FSIP2: variants seen among roughly 807,000 people sequenced by gnomAD.
FSIP2 encodes the protein fibrous sheath-interacting protein 2.
Under a neutral mutation model 510.5 loss-of-function variants are expected in FSIP2, and 367 were observed. The observed-to-expected ratio is 0.72, with a 90% CI of 0.66 to 0.78. FSIP2 has a LOEUF of 0.78. FSIP2 is among the 30% of genes least tolerant of loss of function. The pLI is 0.00. For synonymous variants in FSIP2, 2,601 were observed against 2,732.2 expected, an observed-to-expected ratio of 0.95 and a Z score of 1.50; for missense variants, 7,594 against 7,901.7, an observed-to-expected ratio of 0.96 and a Z score of 1.48.
At chr2:185,816,738 C>T (rs1693832569) in intron 19 of FSIP2, among the ~76,000 whole-genome samples, 1 of 151,600 alleles carries the variant, frequency 6.6e-6, no homozygotes, top group African/African-American at 2.4e-5. Flanking sequence ...TGCACCTAGT[C>T]CTAGCTACTC....
intron 5 of FSIP2, among the ~76,000 whole-genome samples, chr2:185,745,849 A>G (rs1692018997): frequency 1.3e-5 from 2 of 152,154 alleles, no homozygotes; most frequent in Non-Finnish European, 2.9e-5. Context: ...CAAACAATAT[A>G]TTCAAACAGT....
chr2:185,748,490 A>G (rs1281777641), intron 7 of FSIP2, among the ~76,000 whole-genome samples: 3 of 151,818 alleles, frequency 2.0e-5, no homozygotes, highest in African/African-American at 7.3e-5. Context: ...CTATTTTTCA[A>G]TAAGAAGTCT....
rs1194773244 is a variant in FSIP2, at chr2:185,802,575, T to TG, written c.13273dup (p.Asp4425GlyfsTer9). 3.9e-6 allele frequency: 6 copies of TG among 1,530,554 alleles called. 1 individual carries two copies. The South Asian group carries it at 7.2e-5, about 18-fold the overall frequency. The allele number at this position is 1,530,554 out of a possible 1,614,324, so 94.8% of individuals were successfully genotyped here. On this transcript the variant is annotated frameshift_variant, in exon 17 of 23. Transcript: ENST00000424728. LOFTEE classifies it high-confidence loss of function. ...ATTACCTTCTTCATCCACTGTTTTC[T>TG]GGGGATTTTTCAGCTTCTACCTATT...
chr2:185,800,763 G>C lies in FSIP2; in HGVS notation c.11457G>C (p.Met3819Ile). ...GTGAATGCCTTCAAGTAGATTACAT[G>C]TCAGACCTTTTGGAGAATGTGGCAG... The part of the protein sequence containing the change: ...MDCECLQVDY[M>I]SDLLENVAEI... Residue 3819 changes from methionine (M) to isoleucine (I), a missense_variant, in exon 17 of 23, where the codon ATG becomes ATC. Transcript: ENST00000424728. The C allele has an allele frequency of 6.5e-7, 1 of 1,534,042 alleles. No individual in the cohort carries two copies. Among genetic ancestry groups the C allele is most frequent in the Non-Finnish European group, 8.7e-7 (1 of 1,145,478 alleles).
At chr2:185,777,775 T>TATAA (rs1216179432) in intron 13 of FSIP2, among the ~76,000 whole-genome samples, 2 of 152,158 alleles carry the variant, frequency 1.3e-5, no homozygotes, top group African/African-American at 4.8e-5. Flanking sequence ...TTTAGGATTT[T>TATAA]AGCATCTAGG....
chr2:185,824,875 C>T (rs967808079), intron 20 of FSIP2, among the ~76,000 whole-genome samples: 19 of 151,722 alleles, frequency 1.3e-4, no homozygotes, highest in African/African-American at 2.9e-4. Flanking sequence ...ATATTAAAAT[C>T]GGCCTAGGAT....
At position 185,804,295 on chromosome 2, in the gene FSIP2, A is replaced by G; in HGVS notation, c.14989A>G (p.Thr4997Ala). The change falls in exon 17 of 23, where the codon ACC (threonine) becomes GCC (alanine). Residue 4997 changes from threonine (T) to alanine (A), a missense_variant. Coordinates refer to ENST00000424728, the MANE Select transcript of FSIP2 (RefSeq NM_173651.4). Reference sequence around the variant, plus strand: ...GGTAAATTCAATTGTTCTGGAGTTCACCACATCAGAGATTTTAGTTGCAGA... The same window carrying G: ...GGTAAATTCAATTGTTCTGGAGTTCGCCACATCAGAGATTTTAGTTGCAGA... ...TLVNSIVLEF[T>A]TSEILVADNF... 1 of 1,523,160 alleles carries G rather than the reference A, an allele frequency of 6.6e-7. No homozygotes were observed. Among genetic ancestry groups the G allele is most frequent in the South Asian group, 1.2e-5 (1 of 81,218 alleles). The allele number at this position is 1,523,160 out of a possible 1,614,324, so 94.4% of individuals were successfully genotyped here.
chr2:185,826,208 C>T (rs1396652335), intron 20 of FSIP2, among the ~76,000 whole-genome samples: 1 of 151,714 alleles, frequency 6.6e-6, no homozygotes, highest in Non-Finnish European at 1.5e-5. Context: ...CAGAATGTAA[C>T]CTTGTTAAGC....
In FSIP2 at chr2:185,808,605, A is replaced by G. The variant is rs1431617924; in HGVS notation, c.19299A>G (p.Ser6433=). The G allele has an allele frequency of 6.2e-7, 1 of 1,604,238 alleles. No homozygotes were observed. Among genetic ancestry groups the G allele is most frequent in the Non-Finnish European group, 8.5e-7 (1 of 1,175,834 alleles). The change falls in exon 17 of 23, where the codon TCA becomes TCG. Residue 6433 remains serine (S), a synonymous_variant. Coordinates refer to ENST00000424728, the MANE Select transcript of FSIP2 (RefSeq NM_173651.4). ...TTTATAGTAACATACTGCAACAATCAGGAACCAACAAAGAATTTTATTATG... is the reference window on the plus strand; with the variant it reads ...TTTATAGTAACATACTGCAACAATCGGGAACCAACAAAGAATTTTATTATG... ...DSVYSNILQQ[S]GTNKEFYYDI... is the part of the protein sequence containing the mutation.
intron 13 of FSIP2, chr2:185,765,465 G>A (rs552426674): frequency 9.2e-5 from 14 of 151,800 alleles, no homozygotes; most frequent in South Asian, 2.1e-4. Context: ...GATATGCGGC[G>A]TTATTTCTGA....
In FSIP2 at chr2:185,801,010, T is replaced by C; in HGVS notation, c.11704T>C (p.Leu3902=). The change falls in exon 17 of 23, where the codon TTA becomes CTA. Residue 3902 remains leucine, a synonymous_variant. Coordinates refer to ENST00000424728, the MANE Select transcript of FSIP2 (RefSeq NM_173651.4). ...LIELGQSKSS[L]ELRSYDSNSL... ...AGAATTAGGACAGAGTAAAAGTTCT[T>C]TAGAACTCAGGAGCTATGATAGTAA... 1 of 1,531,472 alleles carries C rather than the reference T, an allele frequency of 6.5e-7. No individual in the cohort carries two copies. The highest frequency in any genetic ancestry group is 2.5e-5 in the East Asian group (1 of 40,802). 94.9% of individuals were successfully genotyped at this position (1,531,472 alleles called of 1,614,324 possible).
intron 13 of FSIP2, among the ~76,000 whole-genome samples, chr2:185,778,023 T>C (rs1012115457): frequency 1.3e-5 from 2 of 152,094 alleles, no homozygotes; most frequent in Non-Finnish European, 2.9e-5. Flanking sequence ...TCAATGACTT[T>C]AGTGATTCAA....
In FSIP2 at chr2:185,805,104, GAC is replaced by G. The variant is rs764776486; in HGVS notation, c.15802_15803del (p.Gln5268AlafsTer15). On this transcript the variant is annotated frameshift_variant, in exon 17 of 23. Transcript: ENST00000424728. LOFTEE classifies it high-confidence loss of function. ...SELAKSGKEK[T>X]QPSLYSATFL... ...AACTTGCTAAATCTGGTAAAGAAAAGACACAGCCTTCTCTCTATTCAGCTACA... is the reference window on the plus strand; with the variant it reads ...AACTTGCTAAATCTGGTAAAGAAAAGACAGCCTTCTCTCTATTCAGCTACA... 6.2e-7 allele frequency: 1 copy of G among 1,606,814 alleles called. No individual in the cohort carries two copies. The highest frequency in any genetic ancestry group is 1.1e-5 in the South Asian group (1 of 90,008).
chr2:185,749,997 AC>A (rs374873020), intron 7 of FSIP2, among the ~76,000 whole-genome samples: 26 of 151,918 alleles, frequency 1.7e-4, no homozygotes, highest in African/African-American at 6.0e-4. Flanking sequence ...TGAATCCTGA[AC>A]AAAAGATCAT....
intron 18 of FSIP2, among the ~76,000 whole-genome samples, chr2:185,814,983 G>A (rs2287608): frequency 0.31 from 47,678 of 151,832 alleles, 7,806 homozygotes; most frequent in Middle Eastern, 0.41. Flanking sequence ...ATAGATCAAA[G>A]TATGTGTTAA....
upstream of FSIP2, chr2:185,738,371 AG>A: frequency 2.0e-6 from 1 of 511,636 alleles, no homozygotes; most frequent in East Asian, 3.7e-5. Flanking sequence ...CAGAAGAGGC[AG>A]GAGGAAGGCA....
rs773868737 is a variant in FSIP2 at position 185,795,664 on chromosome 2, A to G, written c.8528A>G (p.Lys2843Arg). ...GGTATATTTAAAAAATTGTTTGACA[A>G]GTGGCAAACAGAATCAAATGACAAG... The part of the protein sequence containing the change: ...REGIFKKLFD[K>R]WQTESNDKEN... Residue 2843 changes from lysine (K) to arginine (R), a missense_variant, in exon 16 of 23, where the codon AAG becomes AGG. Coordinates refer to ENST00000424728, the MANE Select transcript of FSIP2 (RefSeq NM_173651.4). The G allele has an allele frequency of 4.4e-5, 67 of 1,533,292 alleles. No homozygotes were observed. The highest frequency in any genetic ancestry group is 5.9e-5 in the Non-Finnish European group (67 of 1,144,966). The allele number at this position is 1,533,292 out of a possible 1,614,324, so 95.0% of individuals were successfully genotyped here. A position where few individuals can be genotyped will look rare whatever the true frequency, so the allele number is the denominator to read the frequency against.
chr2:185,806,412 A>AGCCC lies in FSIP2; in HGVS notation c.17106_17107insGCCC (p.Leu5703AlafsTer5). The AGCCC allele has an allele frequency of 6.2e-7, 1 of 1,612,034 alleles. No individual in the cohort carries two copies. The highest frequency in any genetic ancestry group is 8.5e-7 in the Non-Finnish European group (1 of 1,178,694). On this transcript the variant is annotated frameshift_variant, in exon 17 of 23. Transcript: ENST00000424728. LOFTEE classifies it high-confidence loss of function. ...CTCCAGAACCAGCATATTATTCGAA[A>AGCCC]CTCAGTTATGACCAAAGCCCCCCAG...
At chr2:185,772,130 C>G (rs1278484743) in intron 13 of FSIP2, among the ~76,000 whole-genome samples, 2 of 152,168 alleles carry the variant, frequency 1.3e-5, no homozygotes, top group Non-Finnish European at 2.9e-5. Flanking sequence ...TCAGCCTGGA[C>G]TTTGCTGTCT....
Sources: allele counts gnomAD v4.1 joint callset (sites outside exome capture counted in the v4.1 genomes callset), GRCh38; gene constraint gnomAD v4.1.1; transcripts MANE v1.5; gene names NCBI Gene and HGNC (gene_info 2026-07-23, HGNC 2026-07-21).